The following MACROD2 variants were observed in gnomAD, a reference collection of about 807,000 sequenced individuals.
MACROD2 encodes ADP-ribose glycohydrolase MACROD2.
MACROD2 carries 36 observed loss-of-function variants against 70.4 expected under a neutral mutation model. That is an observed-to-expected ratio of 0.51 (90% CI 0.39 to 0.68). The LOEUF is 0.68. MACROD2 is among the 30% of genes least tolerant of loss of function. The pLI is 0.00. For synonymous variants in MACROD2, 172 were observed against 178.8 expected (o/e 0.96, Z 0.30); for missense variants, 496 against 538.4 (o/e 0.92, Z 0.78).
chr20:14,736,187 A>G (rs1293703216), intron 5 of MACROD2, among the ~76,000 whole-genome samples: 2 of 152,202 alleles, frequency 1.3e-5, no homozygotes, highest in Non-Finnish European at 2.9e-5. Flanking sequence ...AACAATGGAG[A>G]TGAACCTCAG....
intron 5 of MACROD2, among the ~76,000 whole-genome samples, chr20:14,716,029 T>C (rs959125777): frequency 6.6e-5 from 10 of 152,160 alleles, no homozygotes. Context: ...TACTCTCCAC[T>C]CAGCTCTCTG....
At chr20:15,516,958 C>T (rs6079869) in intron 8 of MACROD2, among the ~76,000 whole-genome samples, 14,227 of 152,122 alleles carry the variant, frequency 0.094, 688 homozygotes, top group East Asian at 0.15. Flanking sequence ...ATGGTAGACC[C>T]ACCATAAGAT....
intron 5 of MACROD2, among the ~76,000 whole-genome samples, chr20:14,887,006 G>T (rs191547693): frequency 3.9e-4 from 59 of 152,236 alleles, no homozygotes; most frequent in Non-Finnish European, 4.7e-4. Flanking sequence ...TGTTCATAGT[G>T]AATGCTTTTT....
chr20:15,508,263 G>A (rs527913172), intron 8 of MACROD2, among the ~76,000 whole-genome samples: 4 of 151,966 alleles, frequency 2.6e-5, no homozygotes, highest in African/African-American at 9.7e-5. Context: ...GAGTGCATGG[G>A]AATGCAGAGA....
intron 5 of MACROD2, among the ~76,000 whole-genome samples, chr20:15,141,511 G>A (rs1184505869): frequency 6.6e-6 from 1 of 152,162 alleles, no homozygotes; most frequent in Admixed American, 6.5e-5. Flanking sequence ...CTCCTCTCCT[G>A]CCCTTAAATT....
intron 7 of MACROD2, among the ~76,000 whole-genome samples, chr20:15,468,757 ATCTTCCTTTC>A (rs1322894221): frequency 1.3e-5 from 2 of 152,152 alleles, no homozygotes; most frequent in African/African-American, 2.4e-5. Flanking sequence ...GCTCTAAGCC[ATCTTCCTTTC>A]TCTTCCTCCT....
chr20:15,603,204 A>G (rs1421897961), intron 8 of MACROD2, among the ~76,000 whole-genome samples: 1 of 152,154 alleles, frequency 6.6e-6, no homozygotes, highest in Non-Finnish European at 1.5e-5. Flanking sequence ...TCAAATCAAG[A>G]TCTAAAGGAA....
At chr20:15,424,214 G>A (rs1227351268) in intron 6 of MACROD2, among the ~76,000 whole-genome samples, 1 of 152,106 alleles carries the variant, frequency 6.6e-6, no homozygotes, top group Non-Finnish European at 1.5e-5. Context: ...AAAATTATAT[G>A]GTAAAGGGTA....
rs184722798 is a variant in MACROD2, at chr20:15,077,486, C to G, written c.419-152454C>G. On this transcript the variant is annotated intron_variant, in intron 5 of 17. Transcript: ENST00000684519. ...GAAAGCGTCTTGAAATTGTAAAGCA[C>G]TATCTAAATGTAAAGGATTAGTATT... Among the ~76,000 whole-genome samples, 4 of 152,254 alleles carry G rather than the reference C, an allele frequency of 2.6e-5. No individual in the cohort carries two copies. In the East Asian group the frequency reaches 7.7e-4, roughly 29 times the overall value.
chr20:15,126,111 CTTTTTTT>C (rs5840654), intron 5 of MACROD2, among the ~76,000 whole-genome samples: 2 of 98,820 alleles, frequency 2.0e-5, no homozygotes, highest in Admixed American at 1.1e-4. Context: ...ATTGTTTCAA[CTTTTTTT>C]TTTTTTTTTT....
At chr20:14,810,513 C>T (rs928950100) in intron 5 of MACROD2, among the ~76,000 whole-genome samples, 3 of 152,002 alleles carry the variant, frequency 2.0e-5, no homozygotes, top group Non-Finnish European at 4.4e-5. Context: ...GGAAGCATTC[C>T]CTTCGAAAAC....
At chr20:14,901,524 C>T (rs1419583649) in intron 5 of MACROD2, among the ~76,000 whole-genome samples, 3 of 151,986 alleles carry the variant, frequency 2.0e-5, no homozygotes, top group Non-Finnish European at 2.9e-5. Context: ...AGGATATATT[C>T]GGTTAAATTA....
chr20:15,934,385 C>A (rs950659568), intron 11 of MACROD2, among the ~76,000 whole-genome samples: 4 of 152,204 alleles, frequency 2.6e-5, no homozygotes, highest in Non-Finnish European at 5.9e-5. Flanking sequence ...TGAAGCAAGG[C>A]AGCAAGGACT....
chr20:14,312,371 T>C (rs2082575119), intron 3 of MACROD2, among the ~76,000 whole-genome samples: 9 of 152,180 alleles, frequency 5.9e-5, no homozygotes, highest in Admixed American at 5.9e-4. Context: ...GAATTGATAG[T>C]GTTCATTTAC....
intron 8 of MACROD2, among the ~76,000 whole-genome samples, chr20:15,762,842 T>C (rs1166269789): frequency 6.6e-6 from 1 of 152,202 alleles, no homozygotes; most frequent in Non-Finnish European, 1.5e-5. Flanking sequence ...TTACAATTAC[T>C]GTACCATCTA....
At chr20:14,717,575 A>G (rs1389665043) in intron 5 of MACROD2, among the ~76,000 whole-genome samples, 1 of 152,014 alleles carries the variant, frequency 6.6e-6, no homozygotes, top group Non-Finnish European at 1.5e-5. Flanking sequence ...CAACTTTAAA[A>G]TATAGTTATT....
intron 5 of MACROD2, among the ~76,000 whole-genome samples, chr20:15,162,236 A>G (rs975577694): frequency 3.9e-5 from 6 of 152,098 alleles, no homozygotes; most frequent in African/African-American, 1.4e-4. Flanking sequence ...AAAAAGGACT[A>G]GGAGCAGAAA....
At chr20:14,146,315 G>A (rs2054942441) in intron 3 of MACROD2, among the ~76,000 whole-genome samples, 2 of 151,740 alleles carry the variant, frequency 1.3e-5, no homozygotes, top group Non-Finnish European at 2.9e-5. Context: ...CGAGACCTCC[G>A]CCTCAGGAAA....
chr20:14,459,675 A>T (rs992576891), intron 3 of MACROD2, among the ~76,000 whole-genome samples: 40 of 152,064 alleles, frequency 2.6e-4, no homozygotes, highest in African/African-American at 9.4e-4. Flanking sequence ...AATGTTATAA[A>T]TAATGAGCAC....
Sources: allele counts gnomAD v4.1 joint callset (sites outside exome capture counted in the v4.1 genomes callset), GRCh38; gene constraint gnomAD v4.1.1; transcripts MANE v1.5; gene names NCBI Gene and HGNC (gene_info 2026-07-23, HGNC 2026-07-21).